ELF2: variants seen among roughly 807,000 people sequenced by gnomAD.
The protein encoded by ELF2 is ETS-related transcription factor Elf-2.
ELF2 carries 11 observed loss-of-function variants against 54.8 expected under a neutral mutation model. The observed-to-expected ratio is 0.20, with a 90% CI of 0.13 to 0.33. The LOEUF is 0.33. Ranked by LOEUF, ELF2 falls within the 10% of genes least tolerant of loss-of-function variation. ELF2 has a pLI of 1.00. For missense variants in ELF2, 513 were observed against 703.0 expected, an observed-to-expected ratio of 0.73 and a Z score of 3.06; for synonymous variants, 203 against 245.1, an observed-to-expected ratio of 0.83 and a Z score of 1.61.
At chr4:139,170,335 G>C (rs1052035736) in intron 1 of ELF2, among the ~76,000 whole-genome samples, 1 of 138,488 alleles carries the variant, frequency 7.2e-6, no homozygotes, top group Non-Finnish European at 1.5e-5. Context: ...TGCGATCTCG[G>C]CTCACTGCAA....
At position 139,084,392 on chromosome 4, in the gene ELF2, G is replaced by A; in HGVS notation, c.239-10825C>T. On this transcript the variant is annotated intron_variant, in intron 4 of 9. Transcript: ENST00000686138. ...CCGGCCCGCCTCCCGCCGCCGGGCTGAGAAACCCCACCACCTAACGGCAGG... is the reference window on the plus strand; with the variant it reads ...CCGGCCCGCCTCCCGCCGCCGGGCTAAGAAACCCCACCACCTAACGGCAGG... The A allele has an allele frequency of 9.0e-6, 13 of 1,445,418 alleles. No homozygotes were observed. The South Asian group carries it at 1.6e-4, about 18-fold the overall frequency. The allele number at this position is 1,445,418 out of a possible 1,614,324, so 89.5% of individuals were successfully genotyped here.
rs746742342 is a variant in ELF2, at chr4:139,125,220, T to G, written c.182A>C (p.Tyr61Ser). 1.2e-6 allele frequency: 2 copies of G among 1,613,932 alleles called. No individual in the cohort carries two copies. The highest frequency in any genetic ancestry group is 4.5e-5 in the East Asian group (2 of 44,864). Residue 61 changes from tyrosine (Y) to serine (S), a missense_variant, in exon 4 of 10, where the codon TAT (tyrosine) becomes TCT (serine). By Grantham distance (144) the Tyr-to-Ser change is moderately radical (BLOSUM62 -2). Transcript: ENST00000686138. ...AQVLVYDDET[Y>S]MMQDVAEEQE... Reference sequence around the variant, plus strand: ...TTCTTCTGCCACATCTTGCATCATATAAGTCTCATCATCATAAACCAGAAC... The same window carrying G: ...TTCTTCTGCCACATCTTGCATCATAGAAGTCTCATCATCATAAACCAGAAC...
intron 4 of ELF2, among the ~76,000 whole-genome samples, chr4:139,110,553 T>C (rs571776380): frequency 3.3e-5 from 5 of 152,214 alleles, no homozygotes; most frequent in Non-Finnish European, 7.3e-5. Context: ...CATCTCAGAA[T>C]TGAAAATTAT....
intron 4 of ELF2, among the ~76,000 whole-genome samples, chr4:139,090,617 C>A (rs1201325292): frequency 6.6e-6 from 1 of 152,168 alleles, no homozygotes; most frequent in Non-Finnish European, 1.5e-5. Flanking sequence ...ATTCTTGAGA[C>A]AGGGTCTGGC....
At position 139,174,266 on chromosome 4, in the gene ELF2, T is replaced by C. The variant is rs997950797; in HGVS notation, c.-252+2701A>G. The stretch of plus-strand genomic sequence containing the variant: ...TTTAAAAAAAAAAGAAATGAAGTAC[T>C]GACACATATTACAACATGGATATAC... On this transcript the variant is annotated intron_variant, in intron 1 of 9. Coordinates refer to ENST00000686138, the MANE Select transcript of ELF2 (RefSeq NM_001331036.3). 2.0e-5 allele frequency among the ~76,000 whole-genome samples: 3 copies of C among 148,552 alleles called. No individual in the cohort carries two copies. The East Asian group carries it at 5.9e-4, about 29-fold the overall frequency.
chr4:139,075,440 A>G (rs990838999), intron 4 of ELF2, among the ~76,000 whole-genome samples: 1 of 151,640 alleles, frequency 6.6e-6, no homozygotes, highest in Non-Finnish European at 1.5e-5. Context: ...TTTTATTTTT[A>G]TTTTTTTTGA....
chr4:139,121,702 C>CT (rs960051506), intron 4 of ELF2, among the ~76,000 whole-genome samples: 3 of 152,112 alleles, frequency 2.0e-5, no homozygotes, highest in African/African-American at 7.2e-5. Flanking sequence ...CAAGACCACC[C>CT]TTCACCTATA....
At chr4:139,106,735 T>C (rs1357380198) in intron 4 of ELF2, among the ~76,000 whole-genome samples, 1 of 135,294 alleles carries the variant, frequency 7.4e-6, no homozygotes, top group African/African-American at 2.8e-5. Flanking sequence ...TTGATAACTA[T>C]ATTTCTTTTT....
intron 4 of ELF2, chr4:139,084,103 T>G: frequency 6.2e-7 from 1 of 1,612,930 alleles, no homozygotes; most frequent in Non-Finnish European, 8.5e-7. Flanking sequence ...GCTGCACCGA[T>G]GCACGGGAGA....
At chr4:139,073,742 T>C (rs1259897491) in intron 4 of ELF2, 175 bp from the exon 5 acceptor site, 7 of 353,444 alleles carry the variant, frequency 2.0e-5, no homozygotes, top group Middle Eastern at 1.5e-3. Flanking sequence ...ATTACAGAAA[T>C]AATTTTTAAA....
At chr4:139,135,454 CTCATTTAG>C (rs1738056804) in intron 3 of ELF2, among the ~76,000 whole-genome samples, 2 of 151,996 alleles carry the variant, frequency 1.3e-5, no homozygotes, top group African/African-American at 4.8e-5. Flanking sequence ...CACCCCTCAC[CTCATTTAG>C]CTCTAAACTA....
chr4:139,084,139 G>A lies in ELF2; in HGVS notation c.239-10572C>T, dbSNP rs764757589. 2.5e-6 allele frequency: 4 copies of A among 1,613,502 alleles called. No homozygotes were observed. The South Asian group carries it at 4.4e-5, about 18-fold the overall frequency. On this transcript the variant is annotated intron_variant, in intron 4 of 9. Transcript: ENST00000686138. ...AAAGTTCCCCTGTCCTTACCGGCCC[G>A]GATGAGCAGATCCAGCTGGTTCGTG...
chr4:139,129,401 A>G (rs1391105491), intron 3 of ELF2, among the ~76,000 whole-genome samples: 1 of 152,194 alleles, frequency 6.6e-6, no homozygotes, highest in African/African-American at 2.4e-5. Context: ...TAGCACCTCT[A>G]TGCTGATAAT....
intron 6 of ELF2, among the ~76,000 whole-genome samples, chr4:139,070,482 G>A (rs1390071670): frequency 4.6e-5 from 7 of 151,900 alleles, no homozygotes; most frequent in Admixed American, 4.6e-4. Context: ...GTAGAGACAG[G>A]GTTTCATCAT....
At chr4:139,152,016 A>G (rs1463630040) in intron 1 of ELF2, among the ~76,000 whole-genome samples, 1 of 152,234 alleles carries the variant, frequency 6.6e-6, no homozygotes, top group Non-Finnish European at 1.5e-5. Flanking sequence ...GACTCTATTT[A>G]TATGACATTC....
rs75544983 is a variant in ELF2, at chr4:139,099,857, T to C, written c.238+25307A>G. ...AATAACAGAACAGTCCTAATTGAGA[T>C]TTAAGAATATCAGCCAAGGCCTCTT... On this transcript the variant is annotated intron_variant, in intron 4 of 9. Transcript: ENST00000686138. 4.5e-3 allele frequency among the ~76,000 whole-genome samples: 688 copies of C among 152,316 alleles called. 3 individuals are homozygous for C. The highest frequency in any genetic ancestry group is 8.0e-3 in the Non-Finnish European group (546 of 68,036).
At position 139,058,880 on chromosome 4, in the gene ELF2, A is replaced by G. The variant is rs1727388928; in HGVS notation, c.*103T>C. On this transcript the variant is annotated 3_prime_UTR_variant, in exon 10 of 10. Coordinates refer to ENST00000686138, the MANE Select transcript of ELF2 (RefSeq NM_001331036.3). Reference sequence around the variant, plus strand: ...CTGATTGTTTTTGTATATGCATTAAAAATGTTTTAAAGTCTTCTTTGACTT... The same window carrying G: ...CTGATTGTTTTTGTATATGCATTAAGAATGTTTTAAAGTCTTCTTTGACTT... 6.8e-7 allele frequency: 1 copy of G among 1,475,284 alleles called. No homozygotes were observed. The allele number at this position is 1,475,284 out of a possible 1,614,324, so 91.4% of individuals were successfully genotyped here.
intron 1 of ELF2, among the ~76,000 whole-genome samples, chr4:139,154,566 TACA>T (rs1213136850): frequency 6.6e-6 from 1 of 150,506 alleles, no homozygotes; most frequent in Non-Finnish European, 1.5e-5. Flanking sequence ...ATAAGATAGC[TACA>T]ACAATTAAAA....
In ELF2 at chr4:139,116,940, G is replaced by T. The variant is rs955949237; in HGVS notation, c.238+8224C>A. ...GAAATCTGGTTTTATTTTTTAAACT[G>T]CATTTTAAAAACCTAAACTTTCATT... On this transcript the variant is annotated intron_variant, in intron 4 of 9. Transcript: ENST00000686138. 4.6e-5 allele frequency: 7 copies of T among 153,518 alleles called. No homozygotes were observed. The Admixed American group carries it at 4.6e-4, about 10-fold the overall frequency. 9.5% of individuals were successfully genotyped at this position (153,518 alleles called of 1,614,324 possible). A position where few individuals can be genotyped will look rare whatever the true frequency, so the allele number is the denominator to read the frequency against.
Sources: allele counts gnomAD v4.1 joint callset (sites outside exome capture counted in the v4.1 genomes callset), GRCh38; gene constraint gnomAD v4.1.1; transcripts MANE v1.5; gene names NCBI Gene and HGNC (gene_info 2026-07-23, HGNC 2026-07-21).